Variants in GRID1 observed in about 807,000 individuals in gnomAD.
GRID1 encodes the protein glutamate ionotropic receptor delta type subunit 1, also known as glutamate receptor ionotropic, delta-1.
GRID1 carries 28 observed loss-of-function variants against 98.0 expected under a neutral mutation model. The observed-to-expected ratio is 0.29, with a 90% CI of 0.21 to 0.39. The LOEUF is 0.39. GRID1 is among the 10% of genes least tolerant of loss of function. The pLI is 1.00. For synonymous variants in GRID1, 553 were observed against 538.5 expected (o/e 1.03, Z -0.37); for missense variants, 1,111 against 1,340.5 (o/e 0.83, Z 2.67).
chr10:85,946,449 A>G (rs149530961), intron 4 of GRID1, among the ~76,000 whole-genome samples: 1 of 152,368 alleles, frequency 6.6e-6, no homozygotes, highest in African/African-American at 2.4e-5. Context: ...AAAATTAGAA[A>G]CAGAAGTTCT....
At chr10:85,756,365 T>G (rs1227550481) in intron 8 of GRID1, among the ~76,000 whole-genome samples, 1 of 152,202 alleles carries the variant, frequency 6.6e-6, no homozygotes. Flanking sequence ...CCTTTTCACT[T>G]AAAGGAAGCA....
chr10:85,657,445 C>T (rs1054891784), intron 12 of GRID1, among the ~76,000 whole-genome samples: 1 of 152,236 alleles, frequency 6.6e-6, no homozygotes. Context: ...TGACCCCTAC[C>T]TACAATAGTG....
At chr10:85,644,693 G>A (rs977897915) in intron 13 of GRID1, among the ~76,000 whole-genome samples, 2 of 152,138 alleles carry the variant, frequency 1.3e-5, no homozygotes, top group South Asian at 4.1e-4. Context: ...ATACATTGGA[G>A]TGTAATTGCT....
At chr10:85,691,549 C>T (rs964137548) in intron 12 of GRID1, among the ~76,000 whole-genome samples, 3 of 152,166 alleles carry the variant, frequency 2.0e-5, no homozygotes, top group Non-Finnish European at 2.9e-5. Flanking sequence ...TTCCCCTCTT[C>T]AATCATAGCT....
In GRID1 at chr10:85,731,489, G is replaced by A. The variant is rs372397085; in HGVS notation, c.1234-1875C>T. ...TAAAAAAAAAAAAAGCAAAAATCAT[G>A]GCTATTTCTCCATTGGACCTTAAAA... is the stretch of plus-strand genomic sequence containing the variant. On this transcript the variant is annotated intron_variant, in intron 8 of 15. Transcript: ENST00000327946. Among the ~76,000 whole-genome samples the A allele has an allele frequency of 2.0e-5, 3 of 150,900 alleles. No individual in the cohort carries two copies. In the East Asian group the frequency reaches 5.8e-4, roughly 29 times the overall value.
At chr10:85,776,469 C>T (rs1329202864) in intron 8 of GRID1, among the ~76,000 whole-genome samples, 1 of 152,168 alleles carries the variant, frequency 6.6e-6, no homozygotes, top group African/African-American at 2.4e-5. Context: ...ACACGCAAGA[C>T]AGTGCCAGGG....
intron 4 of GRID1, among the ~76,000 whole-genome samples, chr10:86,002,798 C>T (rs1842816991): frequency 6.6e-6 from 1 of 152,198 alleles, no homozygotes; most frequent in African/African-American, 2.4e-5. Flanking sequence ...ATTGTGCCTT[C>T]CTCCATTGGT....
intron 8 of GRID1, among the ~76,000 whole-genome samples, chr10:85,759,692 G>A (rs1018661126): frequency 1.3e-5 from 2 of 152,190 alleles, no homozygotes; most frequent in African/African-American, 4.8e-5. Flanking sequence ...TTTAAAGCAT[G>A]AATACTGATC....
rs752414820 is a variant in GRID1, at chr10:85,857,953, C to T, written c.952-1763G>A. Among the ~76,000 whole-genome samples, 7 of 152,266 alleles carry T rather than the reference C, an allele frequency of 4.6e-5. No homozygotes were observed. The South Asian group carries it at 8.3e-4, about 18-fold the overall frequency. On this transcript the variant is annotated intron_variant, in intron 6 of 15. Transcript: ENST00000327946. ...ACCTTAGATCAGAAGTTAGGTGGCG[C>T]GAACTCTCCAGCAACTGAAGCTGAA...
At chr10:86,295,843 G>A (rs139835740) in intron 2 of GRID1, among the ~76,000 whole-genome samples, 6 of 152,238 alleles carry the variant, frequency 3.9e-5, no homozygotes, top group African/African-American at 7.2e-5. Context: ...GGTAAACTTC[G>A]CCCACCTGGC....
intron 8 of GRID1, among the ~76,000 whole-genome samples, chr10:85,791,722 A>C (rs1048544754): frequency 1.4e-4 from 21 of 152,220 alleles, no homozygotes; most frequent in African/African-American, 5.1e-4. Context: ...AGTTCAGGCA[A>C]ATATTCTCCC....
At chr10:86,207,896 C>T (rs1846056184) in intron 2 of GRID1, among the ~76,000 whole-genome samples, 1 of 152,156 alleles carries the variant, frequency 6.6e-6, no homozygotes, top group Non-Finnish European at 1.5e-5. Context: ...TCCCAAAGTG[C>T]TGGGATTACA....
intron 12 of GRID1, among the ~76,000 whole-genome samples, chr10:85,685,851 A>T (rs1295261528): frequency 6.6e-6 from 1 of 152,146 alleles, no homozygotes; most frequent in East Asian, 1.9e-4. Context: ...TATACTATTC[A>T]TATTAACAAT....
intron 4 of GRID1, among the ~76,000 whole-genome samples, chr10:85,969,974 A>T (rs906381352): frequency 3.9e-5 from 6 of 152,012 alleles, no homozygotes; most frequent in Non-Finnish European, 2.9e-5. Flanking sequence ...ATTATAGAAG[A>T]TTCAAATTAC....
chr10:86,322,718 A>T lies in GRID1; in HGVS notation c.235+41223T>A, dbSNP rs1271906022. On this transcript the variant is annotated intron_variant, in intron 2 of 15. Coordinates refer to ENST00000327946, the MANE Select transcript of GRID1 (RefSeq NM_017551.3). ...GAGCCACCTTGCCCGGCCTTGAATT[A>T]TTTTTTTTTAAATAAAAATAAATAA... is the stretch of plus-strand genomic sequence containing the variant. 4.7e-5 allele frequency among the ~76,000 whole-genome samples: 7 copies of T among 150,040 alleles called. No individual in the cohort carries two copies. The East Asian group carries it at 1.4e-3, about 29-fold the overall frequency.
chr10:86,132,322 G>A (rs190007275), intron 4 of GRID1, among the ~76,000 whole-genome samples: 71 of 152,290 alleles, frequency 4.7e-4, no homozygotes, highest in African/African-American at 1.6e-3. Flanking sequence ...GCCAGGCCCC[G>A]CGTTCTGGCT....
At chr10:86,163,630 A>G (rs1845355083) in intron 3 of GRID1, among the ~76,000 whole-genome samples, 1 of 152,166 alleles carries the variant, frequency 6.6e-6, no homozygotes. Flanking sequence ...AGGCAGGCAG[A>G]GAAGCGGTCA....
intron 8 of GRID1, among the ~76,000 whole-genome samples, chr10:85,823,918 A>G (rs576642971): frequency 6.6e-6 from 1 of 152,326 alleles, no homozygotes. Context: ...TCAAAAGAAT[A>G]CTGAGAGAAT....
At chr10:85,708,204 A>T (rs1046604439) in intron 12 of GRID1, among the ~76,000 whole-genome samples, 2 of 151,682 alleles carry the variant, frequency 1.3e-5, no homozygotes, top group African/African-American at 2.4e-5. Context: ...GGAGATCGAG[A>T]CCAACCTGGC....
Sources: allele counts gnomAD v4.1 joint callset (sites outside exome capture counted in the v4.1 genomes callset), GRCh38; gene constraint gnomAD v4.1.1; transcripts MANE v1.5; gene names NCBI Gene and HGNC (gene_info 2026-07-23, HGNC 2026-07-21).